The following SFTPD variants were observed in gnomAD, a reference collection of about 807,000 sequenced individuals.
SFTPD encodes surfactant protein D, also known as pulmonary surfactant-associated protein D.
SFTPD carries 18 observed loss-of-function variants against 34.6 expected under a neutral mutation model. The observed-to-expected ratio is 0.52, with a 90% CI of 0.36 to 0.77. SFTPD has a LOEUF of 0.77. SFTPD is among the 30% of genes least tolerant of loss of function. The pLI is 0.00. For missense variants in SFTPD, 433 were observed against 468.9 expected (o/e 0.92, Z 0.71); for synonymous variants, 155 against 180.9 (o/e 0.86, Z 1.15).
chr10:79,977,918 TC>T (rs1842871715), intron 1 of SFTPD, among the ~76,000 whole-genome samples: 1 of 152,204 alleles, frequency 6.6e-6, no homozygotes, highest in Admixed American at 6.5e-5. Flanking sequence ...TTTAACCTGT[TC>T]TCCAGCACCA....
chr10:79,976,201 AAG>A (rs1842863396), intron 1 of SFTPD, among the ~76,000 whole-genome samples: 1 of 152,218 alleles, frequency 6.6e-6, no homozygotes, highest in South Asian at 2.1e-4. Flanking sequence ...TCTGAAAGGA[AAG>A]AGTGACTCCA....
intron 1 of SFTPD, chr10:79,982,019 C>A (rs1223998566): frequency 3.4e-6 from 1 of 292,690 alleles, no homozygotes; most frequent in Non-Finnish European, 6.3e-6. Context: ...AAGAGCGCGC[C>A]GGGCGCCGAC....
intron 1 of SFTPD, among the ~76,000 whole-genome samples, chr10:79,979,262 G>C (rs1842878444): frequency 6.6e-6 from 1 of 152,170 alleles, no homozygotes; most frequent in Non-Finnish European, 1.5e-5. Flanking sequence ...AGAGCAAGAT[G>C]GCCAGAGCCC....
chr10:79,981,773 C>T (rs541594158), intron 1 of SFTPD: 42 of 161,598 alleles, frequency 2.6e-4, no homozygotes, highest in Non-Finnish European at 5.1e-4. Context: ...GTAGCAGCCA[C>T]AGCCCCAGAG....
At chr10:79,981,761 C>T (rs1202403598) in intron 1 of SFTPD, 2 of 158,192 alleles carry the variant, frequency 1.3e-5, no homozygotes, top group Non-Finnish European at 1.4e-5. Flanking sequence ...AGGATGGCTG[C>T]GGTAGCAGCC....
At chr10:79,981,803 G>C (rs556338028) in intron 1 of SFTPD, 14 of 180,322 alleles carry the variant, frequency 7.8e-5, no homozygotes, top group South Asian at 1.8e-4. Flanking sequence ...CCCGACGCCC[G>C]GGGCGCCCAG....
Position 79,938,163 on chromosome 10 carries a change from G to A in SFTPD, c.817C>T (p.Pro273Ser), listed in dbSNP as rs373041670. 6.2e-7 allele frequency: 1 copy of A among 1,608,976 alleles called. No homozygotes were observed. Among genetic ancestry groups the A allele is most frequent in the Non-Finnish European group, 8.5e-7 (1 of 1,175,680 alleles). Residue 273 changes from proline to serine, a missense_variant, in exon 8 of 8, where the codon CCA becomes TCA. Coordinates refer to ENST00000372292, the MANE Select transcript of SFTPD (RefSeq NM_003019.5). ...CACAGCAGCTGTGCCTCCGTAAATG[G>A]TTTTACAAAGCCTGCTGTCTTGAAA... ...KIFKTAGFVK[P>S]FTEAQLLCTQ... is the part of the protein sequence containing the mutation.
At chr10:79,944,600 G>C (rs1055051679) in intron 2 of SFTPD, among the ~76,000 whole-genome samples, 2 of 152,152 alleles carry the variant, frequency 1.3e-5, no homozygotes, top group African/African-American at 4.8e-5. Flanking sequence ...AGGAGCAGCA[G>C]GGGTACAGGG....
At chr10:79,978,030 T>G (rs1483874908) in intron 1 of SFTPD, among the ~76,000 whole-genome samples, 1 of 152,204 alleles carries the variant, frequency 6.6e-6, no homozygotes, top group Non-Finnish European at 1.5e-5. Flanking sequence ...GCCTAACCAC[T>G]TGCAGTCTGT....
chr10:79,948,997 C>T (rs1189326280), intron 1 of SFTPD, 69 bp downstream of exon 1: 1 of 152,174 alleles, frequency 6.6e-6, no homozygotes, highest in Non-Finnish European at 1.5e-5. Context: ...GTTGAATTGC[C>T]CAGGTCGGCA....
chr10:79,959,371 G>A (rs1444967298), intron 1 of SFTPD, among the ~76,000 whole-genome samples: 9 of 149,458 alleles, frequency 6.0e-5, no homozygotes, highest in South Asian at 2.1e-4. Flanking sequence ...TTTTTTGAAA[G>A]GATCAACAAA....
chr10:79,943,349 C>G (rs1842634998), intron 2 of SFTPD, among the ~76,000 whole-genome samples: 1 of 152,172 alleles, frequency 6.6e-6, no homozygotes, highest in Non-Finnish European at 1.5e-5. Flanking sequence ...TAGCACTAGG[C>G]AAGATGCAAA....
chr10:79,942,867 G>A lies in SFTPD; in HGVS notation c.212C>T (p.Ala71Val). ...TCCAGGCATCCCTGCTTGCCCTGCA[G>A]CTCCTGGCAAACCTGTAGCAGCAGA... Reference protein sequence around the residue: ...GEKGDPGLPGAAGQAGMPGQA... With the variant: ...GEKGDPGLPGVAGQAGMPGQA... The change falls in exon 3 of 8, where the codon GCT becomes GTT. Residue 71 changes from alanine (A) to valine (V), a missense_variant. Physicochemically the swap from Ala to Val is moderately conservative, Grantham distance 64 (BLOSUM62 0). Coordinates refer to ENST00000372292, the MANE Select transcript of SFTPD (RefSeq NM_003019.5). 1 of 1,612,616 alleles carries A rather than the reference G, an allele frequency of 6.2e-7. No homozygotes were observed. Among genetic ancestry groups the A allele is most frequent in the Non-Finnish European group, 8.5e-7 (1 of 1,178,622 alleles).
intron 1 of SFTPD, among the ~76,000 whole-genome samples, chr10:79,962,774 T>A (rs1304829812): frequency 2.0e-5 from 3 of 152,214 alleles, no homozygotes; most frequent in African/African-American, 7.2e-5. Context: ...TTTTTCTTTT[T>A]AACAATACGT....
chr10:79,976,047 C>T (rs1208640248), intron 1 of SFTPD, among the ~76,000 whole-genome samples: 1 of 152,026 alleles, frequency 6.6e-6, no homozygotes, highest in Non-Finnish European at 1.5e-5. Context: ...AGTTTTGGGG[C>T]CAGTTTATGG....
At chr10:79,940,873 T>G in intron 6 of SFTPD, 85 bp from the exon 7 acceptor site, 1 of 871,368 alleles carries the variant, frequency 1.1e-6, no homozygotes, top group Non-Finnish European at 1.9e-6. Context: ...GAAGGGTGTC[T>G]AGTTTCGGGC....
At chr10:79,951,102 C>A (rs150518744), upstream of SFTPD, 3 of 151,934 alleles carry the variant, frequency 2.0e-5, no homozygotes, top group Non-Finnish European at 4.4e-5. Flanking sequence ...AATTATTTTT[C>A]TGATTTCCTT....
chr10:79,940,759 C>T lies in SFTPD; in HGVS notation c.697G>A (p.Ala233Thr). The T allele has an allele frequency of 5.0e-6, 8 of 1,612,020 alleles. No homozygotes were observed. Among genetic ancestry groups the T allele is most frequent in the Non-Finnish European group, 6.8e-6 (8 of 1,178,264 alleles). The change falls in exon 7 of 8, where the codon GCC becomes ACC. Residue 233 changes from alanine to threonine, a missense_variant. By Grantham distance (58) the Ala-to-Thr change is moderately conservative. Coordinates refer to ENST00000372292, the MANE Select transcript of SFTPD (RefSeq NM_003019.5). The part of the protein sequence containing the change: ...DVASLRQQVE[A>T]LQGQVQHLQA... Reference sequence around the variant, plus strand: ...AGGTGCTGTACTTGTCCCTGTAAGGCCTCAACCTGCTGCCTCAGAGAAGCA... The same window carrying T: ...AGGTGCTGTACTTGTCCCTGTAAGGTCTCAACCTGCTGCCTCAGAGAAGCA...
At chr10:79,938,356 A>G in intron 7 of SFTPD, 128 bp from the exon 8 acceptor site, 1 of 761,992 alleles carries the variant, frequency 1.3e-6, no homozygotes, top group Non-Finnish European at 2.1e-6. Context: ...AGGATGCCAG[A>G]GAGAATGCAA....
Sources: allele counts gnomAD v4.1 joint callset (sites outside exome capture counted in the v4.1 genomes callset), GRCh38; gene constraint gnomAD v4.1.1; transcripts MANE v1.5; gene names NCBI Gene and HGNC (gene_info 2026-07-23, HGNC 2026-07-21).